The following SCAF8 variants were observed in gnomAD, a reference collection of about 807,000 sequenced individuals.
SCAF8 encodes SR-related CTD associated factor 8, also known as SR-related and CTD-associated factor 8.
In SCAF8, 23 loss-of-function variants were observed where a neutral mutation model predicts 140.5. The observed-to-expected ratio is 0.16, with a 90% CI of 0.12 to 0.23. SCAF8 has a LOEUF of 0.23. Ranked by LOEUF, SCAF8 falls within the 10% of genes least tolerant of loss-of-function variation. The pLI is 1.00. For synonymous variants in SCAF8, 575 were observed against 528.9 expected, an observed-to-expected ratio of 1.09 and a Z score of -1.20; for missense variants, 1,397 against 1,555.7, an observed-to-expected ratio of 0.90 and a Z score of 1.72.
At position 154,805,358 on chromosome 6, in the gene SCAF8, T is replaced by C. The variant is rs767831060; in HGVS notation, c.864-11T>C. ...GTTTTAAAATATGTTTCCACCTGTT[T>C]TTCCTTTTAGTTCTCACGTTTCAGA... On this transcript the variant is annotated splice_polypyrimidine_tract_variant and intron_variant, in intron 8 of 19. Coordinates refer to ENST00000367178, the MANE Select transcript of SCAF8 (RefSeq NM_014892.5). 3.3e-6 allele frequency: 5 copies of C among 1,520,350 alleles called. No homozygotes were observed. Among genetic ancestry groups the C allele is most frequent in the Non-Finnish European group, 4.6e-6 (5 of 1,097,640 alleles). 94.2% of individuals were successfully genotyped at this position (1,520,350 alleles called of 1,614,324 possible).
chr6:154,734,602 AT>A (rs1237559877), intron 1 of SCAF8, among the ~76,000 whole-genome samples: 1 of 152,204 alleles, frequency 6.6e-6, no homozygotes, highest in Non-Finnish European at 1.5e-5. Flanking sequence ...GAGATGGAAG[AT>A]TATGGGGGAA....
chr6:154,757,196 T>C (rs569588566), intron 1 of SCAF8, among the ~76,000 whole-genome samples: 97 of 152,298 alleles, frequency 6.4e-4, no homozygotes, highest in South Asian at 2.7e-3. Context: ...GGTTTTGCCA[T>C]GTTTGCCAGT....
intron 18 of SCAF8, among the ~76,000 whole-genome samples, chr6:154,829,293 C>G (rs1055985437): frequency 6.9e-6 from 1 of 145,676 alleles, no homozygotes; most frequent in African/African-American, 2.5e-5. Context: ...GTTTTGATAT[C>G]TGTATTTTCT....
At chr6:154,825,655 CAAA>C (rs34342159) in intron 17 of SCAF8, among the ~76,000 whole-genome samples, 7 of 64,340 alleles carry the variant, frequency 1.1e-4, no homozygotes, top group African/African-American at 1.8e-4. Flanking sequence ...GACCTTGTCT[CAAA>C]AAAAAAAAAA....
Position 154,834,152 on chromosome 6 carries a change from A to G in SCAF8, c.*757A>G, listed in dbSNP as rs895622645. 2 of 152,160 alleles carry G rather than the reference A, an allele frequency of 1.3e-5. No homozygotes were observed. The highest frequency in any genetic ancestry group is 4.8e-5 in the African/African-American group (2 of 41,448). 9.4% of individuals were successfully genotyped at this position (152,160 alleles called of 1,614,324 possible). A position where few individuals can be genotyped will look rare whatever the true frequency, so the allele number is the denominator to read the frequency against. Reference sequence around the variant, plus strand: ...TGCTTATTTTTTGCAAAAGCTTTCTATCATAACAACAATGAACTATGTGGT... The same window carrying G: ...TGCTTATTTTTTGCAAAAGCTTTCTGTCATAACAACAATGAACTATGTGGT... On this transcript the variant is annotated 3_prime_UTR_variant, in exon 20 of 20. Transcript: ENST00000367178.
chr6:154,733,465 C>T lies in SCAF8; in HGVS notation c.-436C>T, dbSNP rs2114776797. The T allele has an allele frequency of 7.3e-7, 1 of 1,369,490 alleles. No homozygotes were observed. The allele number at this position is 1,369,490 out of a possible 1,614,324, so 84.8% of individuals were successfully genotyped here. ...GCCAGCGCTTCCTCCTCTGTCTTCG[C>T]CGAGCGGGGCTGGTTCCTGCGGCCC... is the stretch of plus-strand genomic sequence containing the variant. On this transcript the variant is annotated 5_prime_UTR_variant, in exon 1 of 20. Transcript: ENST00000367178.
In SCAF8 at chr6:154,808,146, A is replaced by T. The variant is rs140506252; in HGVS notation, c.1058A>T (p.Gln353Leu). The change falls in exon 10 of 20, where the codon CAG (glutamine) becomes CTG (leucine). Residue 353 changes from glutamine to leucine, a missense_variant. This residue lies in a region of SCAF8 where 339 missense variants were observed against 407.5 expected (regional missense o/e 0.83). Coordinates refer to ENST00000367178, the MANE Select transcript of SCAF8 (RefSeq NM_014892.5). ...SASPSQGSSQ[Q>L]HFLEPEVNLD... The stretch of plus-strand genomic sequence containing the variant: ...TCACCATCACAAGGGAGTAGTCAGC[A>T]GCATTTTCTTGAACCTGAAGTCAAT... 28,820 of 1,613,922 alleles carry T rather than the reference A, an allele frequency of 0.018. 341 individuals are homozygous for T. The highest frequency in any genetic ancestry group is 0.021 in the Non-Finnish European group (25,152 of 1,179,774).
intron 12 of SCAF8, among the ~76,000 whole-genome samples, chr6:154,810,609 A>G (rs1488614177): frequency 2.0e-5 from 3 of 152,240 alleles, no homozygotes; most frequent in East Asian, 3.8e-4. Context: ...TAAAGTAATT[A>G]TAATGTTAAT....
At chr6:154,825,086 G>C (rs760652541) in intron 17 of SCAF8, 2 of 151,982 alleles carry the variant, frequency 1.3e-5, no homozygotes, top group Non-Finnish European at 2.9e-5. Flanking sequence ...CTAAGAATCA[G>C]TAGGCTCCAT....
Position 154,802,163 on chromosome 6 carries a change from T to C in SCAF8, c.783+16T>C, listed in dbSNP as rs1777791109. The C allele has an allele frequency of 6.6e-7, 1 of 1,503,774 alleles. No homozygotes were observed. Among genetic ancestry groups the C allele is most frequent in the Non-Finnish European group, 9.0e-7 (1 of 1,108,648 alleles). 93.2% of individuals were successfully genotyped at this position (1,503,774 alleles called of 1,614,324 possible). A position where few individuals can be genotyped will look rare whatever the true frequency, so the allele number is the denominator to read the frequency against. ...CTTTAACAAGGTAGAAATTAAAATA[T>C]CGGATCAAGTCTATATGAATTATTA... On this transcript the variant is annotated intron_variant, in intron 7 of 19. Coordinates refer to ENST00000367178, the MANE Select transcript of SCAF8 (RefSeq NM_014892.5).
In SCAF8 at chr6:154,827,229, T is replaced by C. The variant is rs1366368343; in HGVS notation, c.2129T>C (p.Val710Ala). The change falls in exon 18 of 20, where the codon GTA becomes GCA. Residue 710 changes from valine to alanine, a missense_variant. Transcript: ENST00000367178. ...PVVPPPTIPPVVPTSLVQPSL... is the reference protein window; with the variant it reads ...PVVPPPTIPPAVPTSLVQPSL... ...GTGCCACCCCCTACGATTCCACCAGTAGTACCAACATGTAAGTTTTCTACT... is the reference window on the plus strand; with the variant it reads ...GTGCCACCCCCTACGATTCCACCAGCAGTACCAACATGTAAGTTTTCTACT... 6.2e-7 allele frequency: 1 copy of C among 1,602,536 alleles called. No homozygotes were observed. Among genetic ancestry groups the C allele is most frequent in the East Asian group, 2.3e-5 (1 of 44,162 alleles).
At chr6:154,762,693 ATTTAT>A (rs909749681) in intron 1 of SCAF8, among the ~76,000 whole-genome samples, 1 of 152,062 alleles carries the variant, frequency 6.6e-6, no homozygotes, top group Non-Finnish European at 1.5e-5. Context: ...TACCATTTTT[ATTTAT>A]AATACAAATA....
intron 1 of SCAF8, among the ~76,000 whole-genome samples, chr6:154,759,070 T>G (rs1779036021): frequency 6.6e-6 from 1 of 152,126 alleles, no homozygotes; most frequent in Admixed American, 6.5e-5. Context: ...TAGCTTTCAC[T>G]GGTCATTTTT....
intron 17 of SCAF8, among the ~76,000 whole-genome samples, chr6:154,825,579 C>T (rs549816043): frequency 1.4e-5 from 2 of 142,984 alleles, no homozygotes; most frequent in Non-Finnish European, 3.0e-5. Context: ...AGGCTTGAGC[C>T]CAGGAGGTGG....
At chr6:154,830,704 T>G (rs961106746) in intron 18 of SCAF8, among the ~76,000 whole-genome samples, 1 of 152,188 alleles carries the variant, frequency 6.6e-6, no homozygotes, top group South Asian at 2.1e-4. Context: ...TGGTGAAATA[T>G]TTCTGAAAAT....
rs1314570715 is a variant in SCAF8, at chr6:154,792,885, T to A, written c.384T>A (p.Ile128=). The A allele has an allele frequency of 2.5e-6, 4 of 1,613,684 alleles. No homozygotes were observed. In the South Asian group the frequency reaches 3.3e-5, roughly 13 times the overall value. The part of the protein sequence containing the change: ...QKNNVFKSEI[I]QPLLDMAAGI... ...ATAATGTATTTAAGAGTGAGATTATTCAGCCCCTTTTGGATATGGCAGCCG... is the reference window on the plus strand; with the variant it reads ...ATAATGTATTTAAGAGTGAGATTATACAGCCCCTTTTGGATATGGCAGCCG... Residue 128 remains isoleucine, a synonymous_variant, in exon 5 of 20, where the codon ATT becomes ATA. Coordinates refer to ENST00000367178, the MANE Select transcript of SCAF8 (RefSeq NM_014892.5).
chr6:154,805,453 A>G lies in SCAF8; in HGVS notation c.948A>G (p.Arg316=), dbSNP rs1221461946. Residue 316 remains arginine, a synonymous_variant, in exon 9 of 20, where the codon AGA becomes AGG. Transcript: ENST00000367178. ...AACAGCAAAACCTAGAACATCTCAG[A>G]CAGCAGCTCTTGGAGCAGCAACAGC... ...QLQQQNLEHL[R]QQLLEQQQPQ... 1.2e-6 allele frequency: 2 copies of G among 1,610,756 alleles called. No homozygotes were observed.
chr6:154,790,541 C>A (rs1287766499), intron 4 of SCAF8, among the ~76,000 whole-genome samples: 1 of 109,644 alleles, frequency 9.1e-6, no homozygotes, highest in East Asian at 2.2e-4. Context: ...GACGGAGTCT[C>A]GCTCTGTTGC....
At chr6:154,748,345 C>T (rs1016237543) in intron 1 of SCAF8, among the ~76,000 whole-genome samples, 3 of 152,010 alleles carry the variant, frequency 2.0e-5, no homozygotes, top group Non-Finnish European at 4.4e-5. Flanking sequence ...AGTTGGGAGC[C>T]GCTGTGGATA....
Sources: allele counts gnomAD v4.1 joint callset (sites outside exome capture counted in the v4.1 genomes callset), GRCh38; gene constraint gnomAD v4.1.1; regional missense constraint gnomAD v4.1.1; transcripts MANE v1.5; gene names NCBI Gene and HGNC (gene_info 2026-07-23, HGNC 2026-07-21).